FLI1: variants seen among roughly 807,000 people sequenced by gnomAD.
FLI1 encodes the protein Fli-1 proto-oncogene, ETS transcription factor.
Under a neutral mutation model 53.1 loss-of-function variants are expected in FLI1, and 13 were observed. The observed-to-expected ratio is 0.24, with a 90% CI of 0.16 to 0.39. The LOEUF is 0.39. FLI1 is among the 10% of genes least tolerant of loss of function. The pLI is 1.00. For synonymous variants in FLI1, 244 were observed against 236.7 expected (o/e 1.03, Z -0.28); for missense variants, 424 against 600.5 (o/e 0.71, Z 3.07).
chr11:128,776,117 T>C (rs1415117163), intron 4 of FLI1, among the ~76,000 whole-genome samples: 1 of 152,238 alleles, frequency 6.6e-6, no homozygotes, highest in Non-Finnish European at 1.5e-5. Context: ...GACTTTTACA[T>C]TTTAAATGCA....
intron 2 of FLI1, among the ~76,000 whole-genome samples, chr11:128,765,596 C>A (rs1941309097): frequency 6.6e-6 from 1 of 152,226 alleles, no homozygotes; most frequent in African/African-American, 2.4e-5. Context: ...CTCTGGGGGT[C>A]CTCCAAGGGA....
chr11:128,805,381 C>T lies in FLI1; in HGVS notation c.671C>T (p.Ser224Leu). Reference protein sequence around the residue: ...LSVKEDPSYDSVRRGAWGNNM... With the variant: ...LSVKEDPSYDLVRRGAWGNNM... ...TGTTCATTAGACCCTTCTTATGACT[C>T]AGTCAGAAGAGGAGCTTGGGGCAAT... Residue 224 changes from serine to leucine, a missense_variant, in exon 6 of 9, where the codon TCA becomes TTA. Ser to Leu is a moderately radical substitution (Grantham distance 145). Around this residue, in one of 5 missense-constraint regions of FLI1, gnomAD observed 114 missense variants for 117.9 expected, o/e 0.97. Coordinates refer to ENST00000527786, the MANE Select transcript of FLI1 (RefSeq NM_002017.5). 6.3e-7 allele frequency: 1 copy of T among 1,585,832 alleles called. No individual in the cohort carries two copies. Among genetic ancestry groups the T allele is most frequent in the Non-Finnish European group, 8.6e-7 (1 of 1,162,146 alleles).
intron 1 of FLI1, among the ~76,000 whole-genome samples, chr11:128,709,434 G>A (rs1292446583): frequency 2.0e-5 from 3 of 152,126 alleles, no homozygotes; most frequent in Non-Finnish European, 2.9e-5. Flanking sequence ...ACCAGTTAGT[G>A]ACTTATTCAT....
At chr11:128,760,939 G>T (rs942985343) in intron 2 of FLI1, among the ~76,000 whole-genome samples, 4 of 152,130 alleles carry the variant, frequency 2.6e-5, no homozygotes, top group African/African-American at 4.8e-5. Flanking sequence ...GGGGCATCCT[G>T]CTCTCCCCAC....
chr11:128,754,889 C>G (rs541910457), intron 1 of FLI1, among the ~76,000 whole-genome samples: 11 of 152,328 alleles, frequency 7.2e-5, no homozygotes, highest in African/African-American at 2.6e-4. Flanking sequence ...TTGGAGTTTC[C>G]TTGATTGTGA....
intron 2 of FLI1, among the ~76,000 whole-genome samples, chr11:128,765,202 C>G (rs1941291434): frequency 6.6e-6 from 1 of 152,152 alleles, no homozygotes; most frequent in Non-Finnish European, 1.5e-5. Flanking sequence ...GTCTAGGTGC[C>G]CATGGCTCCT....
chr11:128,741,907 C>T (rs752417853), intron 1 of FLI1, among the ~76,000 whole-genome samples: 109 of 152,308 alleles, frequency 7.2e-4, no homozygotes, highest in Middle Eastern at 3.4e-3. Context: ...CCTGGACTGT[C>T]TCGGGAGCTC....
intron 2 of FLI1, among the ~76,000 whole-genome samples, chr11:128,762,772 C>T (rs1252092579): frequency 2.0e-5 from 3 of 152,138 alleles, no homozygotes; most frequent in African/African-American, 7.2e-5. Context: ...GCCTGGCCAA[C>T]ATGGTGAAAC....
chr11:128,724,459 G>T (rs561367184), intron 1 of FLI1, among the ~76,000 whole-genome samples: 3 of 152,198 alleles, frequency 2.0e-5, no homozygotes, highest in Non-Finnish European at 4.4e-5. Context: ...TGTTGTCAAT[G>T]ATGGGAAAAT....
At position 128,807,223 on chromosome 11, in the gene FLI1, G is replaced by A. The variant is rs1186469317; in HGVS notation, c.765G>A (p.Glu255=). The change falls in exon 7 of 9, where the codon GAG becomes GAA. Residue 255 remains glutamate, a synonymous_variant. Coordinates refer to ENST00000527786, the MANE Select transcript of FLI1 (RefSeq NM_002017.5). ...CACAAACGATCAGTAAGAATACAGAGCAACGGCCCCAGCCAGGTACCTGCC... is the reference window on the plus strand; with the variant it reads ...CACAAACGATCAGTAAGAATACAGAACAACGGCCCCAGCCAGGTACCTGCC... The part of the protein sequence containing the change: ...GGAQTISKNT[E]QRPQPDPYQI... 4 of 1,598,762 alleles carry A rather than the reference G, an allele frequency of 2.5e-6. No homozygotes were observed. Among genetic ancestry groups the A allele is most frequent in the Middle Eastern group, 1.7e-4 (1 of 6,030 alleles).
chr11:128,685,653 C>G (rs949838629), upstream of FLI1, among the ~76,000 whole-genome samples: 2 of 143,862 alleles, frequency 1.4e-5, no homozygotes, highest in South Asian at 2.1e-4. Flanking sequence ...TCTCTGGGCC[C>G]GAGGAATATA....
upstream of FLI1, among the ~76,000 whole-genome samples, chr11:128,688,969 G>C (rs536525809): frequency 6.6e-6 from 1 of 152,324 alleles, no homozygotes; most frequent in South Asian, 2.1e-4. Flanking sequence ...TGTGATGTGA[G>C]GGGCAGAGCC....
rs148440578 is a variant in FLI1, at chr11:128,718,980, C to T, written c.18+24704C>T. On this transcript the variant is annotated intron_variant, in intron 1 of 8. Transcript: ENST00000527786. ...ACTATGTTCAACATAAACGAACTTTCGGTATTTTGAAACTTCCGTTTCTGA... is the reference window on the plus strand; with the variant it reads ...ACTATGTTCAACATAAACGAACTTTTGGTATTTTGAAACTTCCGTTTCTGA... Among the ~76,000 whole-genome samples the T allele has an allele frequency of 4.6e-5, 7 of 152,288 alleles. No homozygotes were observed. The East Asian group carries it at 9.6e-4, about 21-fold the overall frequency.
intron 1 of FLI1, among the ~76,000 whole-genome samples, chr11:128,741,474 C>T (rs1157800988): frequency 1.3e-5 from 2 of 152,226 alleles, no homozygotes; most frequent in Admixed American, 6.5e-5. Flanking sequence ...CCAGCCAGTC[C>T]GGATGCAGGG....
In FLI1 at chr11:128,779,735, A is replaced by C. The variant is rs78692895; in HGVS notation, c.590-2223A>C. Among the ~76,000 whole-genome samples the C allele has an allele frequency of 1.7e-4, 26 of 152,354 alleles. No homozygotes were observed. In the East Asian group the frequency reaches 4.8e-3, roughly 28 times the overall value. ...GGAGGGCACAAAGCTAGTCAGTGAT[A>C]AGAGGCAGGTCTAATTTTAAAGTCT... is the stretch of plus-strand genomic sequence containing the variant. On this transcript the variant is annotated intron_variant, in intron 4 of 8. Transcript: ENST00000527786.
At chr11:128,695,158 C>A (rs900409221) in intron 1 of FLI1, among the ~76,000 whole-genome samples, 5 of 152,238 alleles carry the variant, frequency 3.3e-5, no homozygotes, top group African/African-American at 1.2e-4. Context: ...CATTCCCACC[C>A]CAGCCGCCGC....
intron 5 of FLI1, among the ~76,000 whole-genome samples, chr11:128,801,925 TA>T (rs1159165646): frequency 6.6e-6 from 1 of 152,126 alleles, no homozygotes; most frequent in Non-Finnish European, 1.5e-5. Context: ...AATTACTGAT[TA>T]AATTATGTGA....
intron 3 of FLI1, 91 bp from the exon 4 acceptor site, chr11:128,772,689 GAA>G (rs1591800313): frequency 4.2e-6 from 4 of 960,684 alleles, no homozygotes; most frequent in Admixed American, 1.8e-5. Flanking sequence ...AGAAGGGAAA[GAA>G]AGAGGGACAA....
chr11:128,804,406 G>A (rs1942720746), intron 5 of FLI1: 1 of 152,196 alleles, frequency 6.6e-6, no homozygotes, highest in African/African-American at 2.4e-5. Flanking sequence ...GTCTCAATGG[G>A]ACTCATACCA....
Sources: gnomAD v4.1 joint callset for allele counts (sites outside exome capture counted in the v4.1 genomes callset) on GRCh38, gnomAD v4.1.1 for gene constraint, gnomAD v4.1.1 regional missense constraint, MANE v1.5 for transcripts, NCBI Gene and HGNC (gene_info 2026-07-23, HGNC 2026-07-21) for gene names.